The following DECR2 variants were observed in gnomAD, a reference collection of about 807,000 sequenced individuals.
DECR2 encodes peroxisomal 2,4-dienoyl-CoA reductase [(3E)-enoyl-CoA-producing].
A neutral mutation model predicts 29.2 loss-of-function variants in DECR2; 34 were observed. The ratio of observed to expected loss-of-function variants is 1.16; its 90% CI spans 0.89 to 1.55. DECR2 has a LOEUF of 1.55. Among genes scored for constraint, DECR2 ranks in the 40% most tolerant of loss-of-function variants. DECR2 has a pLI of 0.00. For missense variants in DECR2, 485 were observed against 425.3 expected, an observed-to-expected ratio of 1.14 and a Z score of -1.23; for synonymous variants, 224 against 182.7, an observed-to-expected ratio of 1.23 and a Z score of -1.82.
chr16:402,072 C>T (rs754562425), intron 1 of DECR2, 29 bp downstream of exon 1: 14 of 1,329,412 alleles, frequency 1.1e-5, no homozygotes, highest in African/African-American at 1.5e-5. Context: ...GCGAGCGCAG[C>T]CTTGGTGCGG....
intron 3 of DECR2, 74 bp downstream of exon 3, chr16:406,471 G>A (rs1413445425): frequency 1.0e-5 from 16 of 1,526,410 alleles, no homozygotes; most frequent in East Asian, 2.3e-5. Context: ...GGCCAGGAGA[G>A]TCCAGAGGCT....
chr16:409,152 C>T (rs1369894558), intron 4 of DECR2, among the ~76,000 whole-genome samples: 1 of 147,172 alleles, frequency 6.8e-6, no homozygotes, highest in Admixed American at 6.8e-5. Context: ...ATTTTTATTT[C>T]TTTATTTTTT....
chr16:409,538 C>T (rs577865738), intron 4 of DECR2: 1 of 152,274 alleles, frequency 6.6e-6, no homozygotes, highest in South Asian at 2.1e-4. Flanking sequence ...TCCATACTCC[C>T]ACCTACAGTT....
At chr16:411,765 T>C in intron 8 of DECR2, 125 bp from the exon 9 acceptor site, 1 of 594,586 alleles carries the variant, frequency 1.7e-6, no homozygotes, top group Non-Finnish European at 2.8e-6. Flanking sequence ...GCTGGTGTAC[T>C]TGCTCTTCTG....
intron 4 of DECR2, 44 bp downstream of exon 4, chr16:407,604 TG>T: frequency 6.2e-7 from 1 of 1,607,716 alleles, no homozygotes; most frequent in Non-Finnish European, 8.5e-7. Flanking sequence ...CACAGGTTGG[TG>T]GTACCATTTG....
chr16:407,450 C>G lies in DECR2; in HGVS notation c.227C>G (p.Thr76Ser). Residue 76 changes from threonine to serine, a missense_variant, in exon 4 of 9, where the codon ACC (threonine) becomes AGC (serine). Transcript: ENST00000219481. ...LTAARKLAGA[T>S]GRRCLPLSMD... ...GCCGCCAGGAAGCTGGCTGGGGCCA[C>G]CGGCCGGCGCTGCCTCCCTCTCTCT... The G allele has an allele frequency of 1.2e-6, 2 of 1,610,734 alleles. No homozygotes were observed. Among genetic ancestry groups the G allele is most frequent in the Non-Finnish European group, 1.7e-6 (2 of 1,179,044 alleles).
At chr16:404,059 G>A (rs1274277702) in intron 1 of DECR2, among the ~76,000 whole-genome samples, 1 of 151,962 alleles carries the variant, frequency 6.6e-6, no homozygotes, top group African/African-American at 2.4e-5. Flanking sequence ...TGTAGTCCCA[G>A]CTACTCTGGA....
chr16:410,716 TCACTG>T lies in DECR2; in HGVS notation c.490_494del (p.Thr164HisfsTer126). The T allele has an allele frequency of 6.2e-7, 1 of 1,607,934 alleles. No homozygotes were observed. The highest frequency in any genetic ancestry group is 8.5e-7 in the Non-Finnish European group (1 of 1,178,882). On this transcript the variant is annotated frameshift_variant, in exon 6 of 9. Coordinates refer to ENST00000219481, the MANE Select transcript of DECR2 (RefSeq NM_020664.4). LOFTEE classifies it high-confidence loss of function. This position sits in a 1 kb window ranked among gnomAD's most constrained non-coding sequence, Gnocchi z 4.1. The stretch of plus-strand genomic sequence containing the variant: ...GACCACGGAGGGGTGATCGTGAACA[TCACTG>T]CCACCCTGGGGAACCGGGGGCAGGC...
Position 404,870 on chromosome 16 carries a change from C to T in DECR2, c.81-86C>T, listed in dbSNP as rs2054706269. On this transcript the variant is annotated intron_variant, in intron 1 of 8. Coordinates refer to ENST00000219481, the MANE Select transcript of DECR2 (RefSeq NM_020664.4). ...GTCTCGATCTCCTGACCTTGTGGCCCACCCACCTTGGCCTTCCAAAGTGCT... is the reference window on the plus strand; with the variant it reads ...GTCTCGATCTCCTGACCTTGTGGCCTACCCACCTTGGCCTTCCAAAGTGCT... 7.5e-6 allele frequency: 10 copies of T among 1,328,674 alleles called. No individual in the cohort carries two copies. In the South Asian group the frequency reaches 1.1e-4, roughly 14 times the overall value. The allele number at this position is 1,328,674 out of a possible 1,614,324, so 82.3% of individuals were successfully genotyped here. A position where few individuals can be genotyped will look rare whatever the true frequency, so the allele number is the denominator to read the frequency against.
chr16:410,146 C>T lies in DECR2; in HGVS notation c.338-97C>T, dbSNP rs144301624. 4.7e-3 allele frequency: 7,084 copies of T among 1,498,842 alleles called. 29 individuals carry two copies. Among genetic ancestry groups the T allele is most frequent in the Non-Finnish European group, 5.7e-3 (6,389 of 1,115,918 alleles). 92.8% of individuals were successfully genotyped at this position (1,498,842 alleles called of 1,614,324 possible). ...CTCCCTGTGCCACAGGGCACCTGGG[C>T]TCCCTCCTGCACCCTCCGCTCTGCC... is the stretch of plus-strand genomic sequence containing the variant. On this transcript the variant is annotated intron_variant, in intron 4 of 8. Transcript: ENST00000219481. This position sits in a 1 kb window ranked among gnomAD's most constrained non-coding sequence, Gnocchi z 4.1.
At chr16:411,177 C>T (rs2141818449) in intron 7 of DECR2, 101 bp downstream of exon 7, 2 of 1,286,088 alleles carry the variant, frequency 1.6e-6, no homozygotes, top group East Asian at 2.5e-5. Context: ...GTTGAAAAGC[C>T]CTGTGCTGGT....
At chr16:409,491 G>A (rs1296547587) in intron 4 of DECR2, 1 of 151,752 alleles carries the variant, frequency 6.6e-6, no homozygotes. Flanking sequence ...TTAAATCACA[G>A]TTTTAGGTTT....
At chr16:403,708 C>T (rs1209303152) in intron 1 of DECR2, among the ~76,000 whole-genome samples, 2 of 152,200 alleles carry the variant, frequency 1.3e-5, no homozygotes, top group Non-Finnish European at 2.9e-5. Context: ...ATACCCCTCT[C>T]TAGAAAAACT....
chr16:406,833 G>T, intron 3 of DECR2: 2 of 553,454 alleles, frequency 3.6e-6, no homozygotes, highest in Non-Finnish European at 2.4e-6. Flanking sequence ...CAGGATTACA[G>T]GTGTGAATCA....
chr16:411,167 G>A (rs996692261), intron 7 of DECR2, 91 bp downstream of exon 7: 63 of 1,324,568 alleles, frequency 4.8e-5, no homozygotes, highest in Non-Finnish European at 6.1e-5. Flanking sequence ...CAGGGTGTAT[G>A]TTGAAAAGCC....
intron 7 of DECR2, 60 bp downstream of exon 7, chr16:411,136 A>G (rs1355871798): frequency 7.1e-7 from 1 of 1,417,470 alleles, no homozygotes; most frequent in East Asian, 2.5e-5. Context: ...CAGGGTGCCC[A>G]TGAAGCTTCC....
Position 410,353 on chromosome 16 carries a change from G to A in DECR2, c.448G>A (p.Glu150Lys), listed in dbSNP as rs374863109. Reference protein sequence around the residue: ...GTFNVSRVLYEKFFRDHGGVI... With the variant: ...GTFNVSRVLYKKFFRDHGGVI... ...CTTCAATGTGTCTCGTGTGCTCTAT[G>A]AGAAGTTCTTCCGGGTGGGTGCCTC... The change falls in exon 5 of 9, where the codon GAG (glutamate) becomes AAG (lysine). Residue 150 changes from glutamate to lysine, a missense_variant. Glu to Lys is a moderately conservative substitution (Grantham distance 56). Transcript: ENST00000219481. This position sits in a 1 kb window ranked among gnomAD's most constrained non-coding sequence, Gnocchi z 4.1. 6.2e-7 allele frequency: 1 copy of A among 1,600,226 alleles called. No homozygotes were observed. Among genetic ancestry groups the A allele is most frequent in the Non-Finnish European group, 8.5e-7 (1 of 1,174,402 alleles).
chr16:402,179 CT>C (rs541347056), intron 1 of DECR2, 136 bp downstream of exon 1: 43,499 of 518,484 alleles, frequency 0.084, no homozygotes, highest in East Asian at 0.13. Flanking sequence ...TTTTTTCTTT[CT>C]TTTTTTTTTT....
Position 410,100 on chromosome 16 carries a change from T to G in DECR2, c.338-143T>G. On this transcript the variant is annotated intron_variant, in intron 4 of 8. Transcript: ENST00000219481. This position sits in a 1 kb window ranked among gnomAD's most constrained non-coding sequence, Gnocchi z 4.1. ...CGTCTTGCTCTGGTCATTTTGGAAT[T>G]TATCCTAGGGCATGGGTCTCCTCCC... 1 of 1,236,786 alleles carries G rather than the reference T, an allele frequency of 8.1e-7. No individual in the cohort carries two copies. Among genetic ancestry groups the G allele is most frequent in the Admixed American group, 2.7e-5 (1 of 36,696 alleles). The allele number at this position is 1,236,786 out of a possible 1,614,324, so 76.6% of individuals were successfully genotyped here.
Sources: allele counts gnomAD v4.1 joint callset (sites outside exome capture counted in the v4.1 genomes callset), GRCh38; gene constraint gnomAD v4.1.1; non-coding constraint Gnocchi (gnomAD v3.1); transcripts MANE v1.5; gene names NCBI Gene and HGNC (gene_info 2026-07-23, HGNC 2026-07-21).